OLFM2: variants seen among roughly 807,000 people sequenced by gnomAD.
The protein encoded by OLFM2 is olfactomedin 2, also known as noelin-2.
A neutral mutation model predicts 43.9 loss-of-function variants in OLFM2; 20 were observed. The observed-to-expected ratio is 0.46, with a 90% CI of 0.32 to 0.66. The LOEUF is 0.66. Ranked by LOEUF, OLFM2 falls within the 30% of genes least tolerant of loss-of-function variation. OLFM2 has a pLI of 0.04. For missense variants in OLFM2, 416 were observed against 643.6 expected (o/e 0.65, Z 3.83); for synonymous variants, 268 against 278.6 (o/e 0.96, Z 0.38).
At chr19:9,921,491 A>ATTT (rs145728493) in intron 1 of OLFM2, among the ~76,000 whole-genome samples, 1 of 141,986 alleles carries the variant, frequency 7.0e-6, no homozygotes, top group African/African-American at 2.6e-5. Context: ...ACTACATTAA[A>ATTT]TTTTTTTTTT....
At chr19:9,867,125 CT>C (rs1482955641) in intron 1 of OLFM2, among the ~76,000 whole-genome samples, 1 of 152,128 alleles carries the variant, frequency 6.6e-6, no homozygotes, top group African/African-American at 2.4e-5. Flanking sequence ...AATCCCAGCA[CT>C]TTGGGAGGTG....
chr19:9,932,281 C>A (rs2086487148), intron 1 of OLFM2, among the ~76,000 whole-genome samples: 1 of 151,932 alleles, frequency 6.6e-6, no homozygotes, highest in South Asian at 2.1e-4. Flanking sequence ...GAAACCCTGT[C>A]TCTACTAAAA....
At chr19:9,874,237 A>C (rs956687288) in intron 1 of OLFM2, among the ~76,000 whole-genome samples, 12 of 151,122 alleles carry the variant, frequency 7.9e-5, no homozygotes, top group Non-Finnish European at 1.8e-4. Flanking sequence ...CTTTAGACTT[A>C]TCTGGTCTAT....
At chr19:9,928,152 A>C (rs1041938387) in intron 1 of OLFM2, among the ~76,000 whole-genome samples, 1 of 152,182 alleles carries the variant, frequency 6.6e-6, no homozygotes, top group East Asian at 1.9e-4. Context: ...TTGAGGCTAC[A>C]GTGGGCTGTG....
At chr19:9,929,857 T>G (rs1402845303) in intron 1 of OLFM2, among the ~76,000 whole-genome samples, 11 of 151,758 alleles carry the variant, frequency 7.2e-5, no homozygotes, top group Admixed American at 7.2e-4. Flanking sequence ...CTGACCAACA[T>G]GGAGAACCCT....
intron 1 of OLFM2, among the ~76,000 whole-genome samples, chr19:9,914,002 G>T (rs1341766274): frequency 2.7e-5 from 4 of 147,766 alleles, no homozygotes; most frequent in Non-Finnish European, 6.0e-5. Context: ...TCCATGGGGT[G>T]GGGGACCTCC....
At chr19:9,875,657 TTTG>T (rs34652517) in intron 1 of OLFM2, among the ~76,000 whole-genome samples, 1 of 150,370 alleles carries the variant, frequency 6.7e-6, no homozygotes, top group African/African-American at 2.5e-5. Context: ...CATCTGGTTG[TTTG>T]TTGTTGTTGT....
chr19:9,854,629 C>T lies in OLFM2; in HGVS notation c.922G>A (p.Gly308Ser), dbSNP rs773856461. The change falls in exon 6 of 6, where the codon GGT (glycine) becomes AGT (serine). Residue 308 changes from glycine to serine, a missense_variant. Transcript: ENST00000264833. This position sits in a 1 kb window ranked among gnomAD's most constrained non-coding sequence, Gnocchi z 9.5. ...VLVQRSLPGA[G>S]YNNTFPYSWG... is the part of the protein sequence containing the mutation. ...GAGTAGGGGAAGGTGTTGTTGTAAC[C>T]GGCGCCCGGGAGGCTCCTCTGCACC... is the stretch of plus-strand genomic sequence containing the variant. The T allele has an allele frequency of 5.0e-6, 8 of 1,614,010 alleles. No homozygotes were observed. The highest frequency in any genetic ancestry group is 1.7e-5 in the Admixed American group (1 of 60,008).
At chr19:9,910,564 T>C (rs973403665) in intron 1 of OLFM2, among the ~76,000 whole-genome samples, 1 of 152,076 alleles carries the variant, frequency 6.6e-6, no homozygotes, top group African/African-American at 2.4e-5. Context: ...CTTAAAAAAA[T>C]AGTTTTGTGG....
chr19:9,853,959 CAGAA>C lies in OLFM2; in HGVS notation c.*223_*226del, dbSNP rs1428344397. ...AAAGAAAAAGACATCCATAAAAAGG[CAGAA>C]AGAAAGAAGTGGTGTATTAAAAGCA... On this transcript the variant is annotated 3_prime_UTR_variant, in exon 6 of 6. Coordinates refer to ENST00000264833, the MANE Select transcript of OLFM2 (RefSeq NM_058164.4). 1.7e-6 allele frequency: 1 copy of C among 578,796 alleles called. No individual in the cohort carries two copies. Among genetic ancestry groups the C allele is most frequent in the East Asian group, 2.8e-5 (1 of 35,328 alleles). The allele number at this position is 578,796 out of a possible 1,614,324, so 35.9% of individuals were successfully genotyped here. A position where few individuals can be genotyped will look rare whatever the true frequency, so the allele number is the denominator to read the frequency against.
intron 1 of OLFM2, among the ~76,000 whole-genome samples, chr19:9,925,982 T>C (rs2086450057): frequency 6.6e-6 from 1 of 151,012 alleles, no homozygotes; most frequent in African/African-American, 2.4e-5. Flanking sequence ...AGAAAAAATT[T>C]AAGAATTAGC....
chr19:9,933,403 AT>A (rs1041765910), intron 1 of OLFM2, among the ~76,000 whole-genome samples: 1 of 151,208 alleles, frequency 6.6e-6, no homozygotes, highest in Admixed American at 6.6e-5. Flanking sequence ...CACCTGGCTA[AT>A]TTTTTGCATT....
intron 1 of OLFM2, among the ~76,000 whole-genome samples, chr19:9,924,963 C>T (rs943677710): frequency 6.6e-6 from 1 of 151,852 alleles, no homozygotes; most frequent in Non-Finnish European, 1.5e-5. Context: ...AACAGAAACA[C>T]ACATAAAACA....
intron 1 of OLFM2, among the ~76,000 whole-genome samples, chr19:9,926,513 C>G (rs2086454283): frequency 6.6e-6 from 1 of 152,056 alleles, no homozygotes; most frequent in Admixed American, 6.6e-5. Flanking sequence ...GATCGCGCCA[C>G]TGCACTCCAG....
chr19:9,928,122 G>A (rs753553884), intron 1 of OLFM2, among the ~76,000 whole-genome samples: 2 of 151,924 alleles, frequency 1.3e-5, no homozygotes, highest in Non-Finnish European at 2.9e-5. Context: ...AAGGTAGGAG[G>A]ATCACTTGGG....
rs918297623 is a variant in OLFM2 at position 9,901,141 on chromosome 19, AAAG to A, written c.63+35160_63+35162del. ...GGAAAGAAAGAAAAAGGAAGGAAAG[AAAG>A]AAGGAAAGAAAAAGAAAGAAAGGAA... On this transcript the variant is annotated intron_variant, in intron 1 of 5. Transcript: ENST00000264833. Among the ~76,000 whole-genome samples the A allele has an allele frequency of 2.0e-5, 3 of 150,224 alleles. No individual in the cohort carries two copies. In the Admixed American group the frequency reaches 2.0e-4, roughly 10 times the overall value.
rs550721915 is a variant in OLFM2 at position 9,853,833 on chromosome 19, G to T, written c.*353C>A. 6.3e-4 allele frequency: 279 copies of T among 441,568 alleles called. 4 individuals are homozygous for T. The South Asian group carries it at 0.011, about 18-fold the overall frequency. 27.4% of individuals were successfully genotyped at this position (441,568 alleles called of 1,614,324 possible). On this transcript the variant is annotated 3_prime_UTR_variant, in exon 6 of 6. Transcript: ENST00000264833. Reference sequence around the variant, plus strand: ...GGTGGGGGTGGGGGTGGGAGTGAGGGATGAGGAATGGGTGGGAAGCAAGGA... The same window carrying T: ...GGTGGGGGTGGGGGTGGGAGTGAGGTATGAGGAATGGGTGGGAAGCAAGGA...
intron 1 of OLFM2, among the ~76,000 whole-genome samples, chr19:9,873,678 G>A (rs1040775852): frequency 6.6e-6 from 1 of 151,764 alleles, no homozygotes. Context: ...CCCAGGCCGT[G>A]TCCCACATTG....
chr19:9,863,354 G>C (rs1446638695), intron 1 of OLFM2, among the ~76,000 whole-genome samples: 1 of 152,032 alleles, frequency 6.6e-6, no homozygotes, highest in African/African-American at 2.4e-5. Flanking sequence ...GGAGGGTTCT[G>C]TGCAGAGGCG....
Sources: allele counts gnomAD v4.1 joint callset (sites outside exome capture counted in the v4.1 genomes callset), GRCh38; gene constraint gnomAD v4.1.1; non-coding constraint Gnocchi (gnomAD v3.1); transcripts MANE v1.5; gene names NCBI Gene and HGNC (gene_info 2026-07-23, HGNC 2026-07-21).